GOLGA4: variants seen among roughly 807,000 people sequenced by gnomAD.
GOLGA4 encodes golgin subfamily A member 4.
In GOLGA4, 169 loss-of-function variants were observed where a neutral mutation model predicts 265.9. The observed-to-expected ratio is 0.64, with a 90% CI of 0.56 to 0.72. GOLGA4 has a LOEUF of 0.72. GOLGA4 is among the 30% of genes least tolerant of loss of function. The pLI is 0.00. For missense variants in GOLGA4, 2,482 were observed against 2,483.4 expected (o/e 1.00, Z 0.01); for synonymous variants, 923 against 855.8 (o/e 1.08, Z -1.37).
intron 1 of GOLGA4, chr3:37,243,893 C>G (rs2096710577): frequency 2.0e-6 from 1 of 495,062 alleles, no homozygotes; most frequent in African/African-American, 2.0e-5. Context: ...TAAGAGTTTT[C>G]TCCTAAGGCC....
At chr3:37,350,192 T>G (rs780715590) in intron 21 of GOLGA4, among the ~76,000 whole-genome samples, 8 of 152,162 alleles carry the variant, frequency 5.3e-5, no homozygotes, top group Non-Finnish European at 1.0e-4. Flanking sequence ...GAGTAGACAG[T>G]CTGATATCTT....
At position 37,332,868 on chromosome 3, in the gene GOLGA4, TAAATG is replaced by T. The variant is rs567445391; in HGVS notation, c.6193-2184_6193-2180del. The stretch of plus-strand genomic sequence containing the variant: ...ACTTGTTCTTTTTTTTGAAACCTCT[TAAATG>T]TAATTAATTGCATCTGTGTTCCTTG... On this transcript the variant is annotated intron_variant, in intron 16 of 23. Transcript: ENST00000361924. 2.3e-3 allele frequency among the ~76,000 whole-genome samples: 352 copies of T among 152,324 alleles called. 1 individual carries two copies. The highest frequency in any genetic ancestry group is 2.6e-3 in the Non-Finnish European group (180 of 68,022).
intron 16 of GOLGA4, 23 bp from the exon 17 acceptor site, chr3:37,335,030 T>C: frequency 5.7e-6 from 8 of 1,406,962 alleles, no homozygotes; most frequent in South Asian, 1.3e-5. Context: ...TTTCCTTTTT[T>C]TCTTTTTTTT....
chr3:37,341,997 A>G (rs1358576144), intron 20 of GOLGA4, among the ~76,000 whole-genome samples: 3 of 152,186 alleles, frequency 2.0e-5, no homozygotes, highest in African/African-American at 7.2e-5. Flanking sequence ...TAAAAACCCA[A>G]GCATTGTGGT....
At chr3:37,339,894 A>G (rs2097027111) in intron 19 of GOLGA4, among the ~76,000 whole-genome samples, 1 of 151,410 alleles carries the variant, frequency 6.6e-6, no homozygotes, top group Admixed American at 6.6e-5. Flanking sequence ...AGTGTAATTT[A>G]TGTATTTTTT....
At chr3:37,316,047 A>G (rs144971274) in intron 11 of GOLGA4, among the ~76,000 whole-genome samples, 2,446 of 152,260 alleles carry the variant, frequency 0.016, 31 homozygotes, top group South Asian at 0.048. Flanking sequence ...ATATAGATAG[A>G]CCTCACTTTA....
intron 7 of GOLGA4, 34 bp from the exon 8 acceptor site, chr3:37,298,799 C>T: frequency 1.4e-6 from 2 of 1,472,930 alleles, no homozygotes; most frequent in Non-Finnish European, 1.9e-6. Flanking sequence ...ATATTCCTTA[C>T]TGATGGGCCC....
intron 20 of GOLGA4, among the ~76,000 whole-genome samples, chr3:37,344,664 A>G (rs2097050410): frequency 6.6e-6 from 1 of 151,854 alleles, no homozygotes. Flanking sequence ...ACTTCATAAT[A>G]AGTCTTGATG....
At chr3:37,271,801 AG>A (rs1181479114) in intron 2 of GOLGA4, among the ~76,000 whole-genome samples, 5 of 152,180 alleles carry the variant, frequency 3.3e-5, no homozygotes, top group Admixed American at 3.3e-4. Context: ...GCACAGCAGG[AG>A]GTAAGAGGCA....
rs766155348 is a variant in GOLGA4, at chr3:37,327,541, G to T, written c.5655G>T (p.Gln1885His). The T allele has an allele frequency of 6.2e-7, 1 of 1,613,754 alleles. No homozygotes were observed. The highest frequency in any genetic ancestry group is 8.5e-7 in the Non-Finnish European group (1 of 1,179,752). ...EELTSKYEKL[Q>H]ALQQMDGRNK... Reference sequence around the variant, plus strand: ...TGACCTCAAAATATGAAAAATTACAGGCTTTACAACAGATGGATGGAAGAA... The same window carrying T: ...TGACCTCAAAATATGAAAAATTACATGCTTTACAACAGATGGATGGAAGAA... Residue 1885 changes from glutamine (Q) to histidine (H), a missense_variant, in exon 14 of 24, where the codon CAG becomes CAT. By Grantham distance (24) the Gln-to-His change is conservative. Coordinates refer to ENST00000361924, the MANE Select transcript of GOLGA4 (RefSeq NM_002078.5).
Position 37,361,195 on chromosome 3 carries a change from A to G in GOLGA4, c.6664-48A>G, listed in dbSNP as rs370686111. ...ACACATACAATCTATGTGTTATATT[A>G]AGTCTTAAAACTAACCCAATAAGCT... On this transcript the variant is annotated intron_variant, in intron 22 of 23. Coordinates refer to ENST00000361924, the MANE Select transcript of GOLGA4 (RefSeq NM_002078.5). The G allele has an allele frequency of 6.8e-4, 902 of 1,333,980 alleles. 1 individual carries two copies. Among genetic ancestry groups the G allele is most frequent in the Non-Finnish European group, 9.1e-4 (840 of 924,192 alleles). 82.6% of individuals were successfully genotyped at this position (1,333,980 alleles called of 1,614,324 possible).
At chr3:37,290,409 T>C (rs1271245939) in intron 5 of GOLGA4, among the ~76,000 whole-genome samples, 1 of 152,236 alleles carries the variant, frequency 6.6e-6, no homozygotes, top group African/African-American at 2.4e-5. Flanking sequence ...TTCTAGTCTC[T>C]CGCAATTTTT....
intron 1 of GOLGA4, among the ~76,000 whole-genome samples, chr3:37,248,606 CTCCAGAGGAAGA>C (rs1306403536): frequency 6.6e-6 from 1 of 152,224 alleles, no homozygotes; most frequent in Non-Finnish European, 1.5e-5. Context: ...ACTCTTGTAA[CTCCAGAGGAAGA>C]TCCAGAGGAA....
At chr3:37,297,287 A>G (rs1201750951) in intron 7 of GOLGA4, among the ~76,000 whole-genome samples, 6 of 152,212 alleles carry the variant, frequency 3.9e-5, no homozygotes, top group African/African-American at 1.4e-4. Context: ...GCAGTTAACT[A>G]TCTGAGCAAC....
intron 3 of GOLGA4, among the ~76,000 whole-genome samples, chr3:37,283,244 G>A (rs1578489522): frequency 6.6e-6 from 1 of 152,094 alleles, no homozygotes; most frequent in South Asian, 2.1e-4. Context: ...AAAATAGGAA[G>A]CAATTATCAG....
At chr3:37,271,988 T>C (rs892768805) in intron 2 of GOLGA4, among the ~76,000 whole-genome samples, 2 of 152,182 alleles carry the variant, frequency 1.3e-5, no homozygotes, top group African/African-American at 4.8e-5. Flanking sequence ...GAGAATATAA[T>C]GCCTGATGAT....
chr3:37,350,648 G>A (rs1045485315), intron 21 of GOLGA4, among the ~76,000 whole-genome samples: 2 of 152,006 alleles, frequency 1.3e-5, no homozygotes, highest in African/African-American at 4.8e-5. Flanking sequence ...ATGTTTACAG[G>A]CATACCTTGG....
chr3:37,304,129 G>GT (rs1310305296), intron 10 of GOLGA4, among the ~76,000 whole-genome samples: 2 of 152,144 alleles, frequency 1.3e-5, no homozygotes, highest in Admixed American at 6.5e-5. Context: ...ATTGTGGATA[G>GT]TTTTTTGGGG....
rs778666563 is a variant in GOLGA4, at chr3:37,295,128, A to T, written c.681+51A>T. 2.8e-6 allele frequency: 3 copies of T among 1,065,910 alleles called. No individual in the cohort carries two copies. In the South Asian group the frequency reaches 4.5e-5, roughly 16 times the overall value. The allele number at this position is 1,065,910 out of a possible 1,614,324, so 66.0% of individuals were successfully genotyped here. ...GAATTTTTTGGATAAAGAAAAATAG[A>T]GGGGGTTTGATTTGGATATCTGCAA... On this transcript the variant is annotated intron_variant, in intron 6 of 23. Coordinates refer to ENST00000361924, the MANE Select transcript of GOLGA4 (RefSeq NM_002078.5).
Sources: gnomAD v4.1 joint callset for allele counts (sites outside exome capture counted in the v4.1 genomes callset) on GRCh38, gnomAD v4.1.1 for gene constraint, MANE v1.5 for transcripts, NCBI Gene and HGNC (gene_info 2026-07-23, HGNC 2026-07-21) for gene names.